Variants in PCDHA7 observed in about 807,000 individuals in gnomAD.
PCDHA7 encodes the protein protocadherin alpha 7, also known as protocadherin alpha-7.
A neutral mutation model predicts 57.2 loss-of-function variants in PCDHA7; 37 were observed. The observed-to-expected ratio is 0.65, with a 90% CI of 0.50 to 0.85. PCDHA7 has a LOEUF of 0.85. Ranked by LOEUF, PCDHA7 falls within the 40% of genes least tolerant of loss-of-function variation. PCDHA7 has a pLI of 0.00. For synonymous variants in PCDHA7, 553 were observed against 558.8 expected, an observed-to-expected ratio of 0.99 and a Z score of 0.15; for missense variants, 1,188 against 1,241.8, an observed-to-expected ratio of 0.96 and a Z score of 0.65.
chr5:140,858,436 G>T (rs781811192), intron 1 of PCDHA7: 1 of 1,542,522 alleles, frequency 6.5e-7, no homozygotes, highest in Admixed American at 2.0e-5. Flanking sequence ...ACTCTAGGAA[G>T]GTGGGTTATT....
At chr5:140,968,401 C>T (rs1554230667) in intron 1 of PCDHA7, 1 of 1,613,984 alleles carries the variant, frequency 6.2e-7, no homozygotes, top group South Asian at 1.1e-5. Context: ...TTCGGGAGTT[C>T]TTTGTGACTG....
chr5:140,840,079 T>C lies in PCDHA7; in HGVS notation c.2355+3341T>C, dbSNP rs2150303127. Among the ~76,000 whole-genome samples the C allele has an allele frequency of 4.9e-4, 75 of 152,120 alleles. 1 individual carries two copies. The highest frequency in any genetic ancestry group is 8.7e-4 in the Non-Finnish European group (59 of 67,972). On this transcript the variant is annotated intron_variant, in intron 1 of 3. Coordinates refer to ENST00000525929, the MANE Select transcript of PCDHA7 (RefSeq NM_018910.3). The stretch of plus-strand genomic sequence containing the variant: ...TCTTGACAATTAGTCAATAGAAAGA[T>C]AAACTTGTTGAAGATTTTAGTGAAA...
intron 1 of PCDHA7, chr5:140,856,305 A>G (rs782323132): frequency 1.9e-6 from 3 of 1,598,594 alleles, no homozygotes; most frequent in Non-Finnish European, 2.6e-6. Flanking sequence ...TTGTTTGTGA[A>G]TTCTCGGATT....
chr5:140,876,467 G>T, intron 1 of PCDHA7: 1 of 1,614,020 alleles, frequency 6.2e-7, no homozygotes, highest in Non-Finnish European at 8.5e-7. Flanking sequence ...TCCATGGCAG[G>T]TCACAGCATG....
intron 1 of PCDHA7, among the ~76,000 whole-genome samples, chr5:140,838,073 ATATAGTGTGTGTGTGT>A (rs2150282806): frequency 2.4e-4 from 30 of 126,834 alleles, no homozygotes; most frequent in Admixed American, 8.6e-4. Flanking sequence ...AGTTATATAT[ATATAGTGTGTGTGTGT>A]GTGTGTGTGT....
intron 1 of PCDHA7, chr5:140,870,169 C>T: frequency 6.2e-7 from 1 of 1,614,140 alleles, no homozygotes; most frequent in Non-Finnish European, 8.5e-7. Flanking sequence ...TTCCTTGTCC[C>T]TCCCAGTACG....
At chr5:140,876,918 G>A (rs2056694252) in intron 1 of PCDHA7, 4 of 1,613,936 alleles carry the variant, frequency 2.5e-6, no homozygotes, top group East Asian at 2.2e-5. Context: ...CATGGGACGC[G>A]GACGCGCAGA....
intron 1 of PCDHA7, among the ~76,000 whole-genome samples, chr5:140,900,519 T>G (rs1264399196): frequency 6.6e-6 from 1 of 152,224 alleles, no homozygotes; most frequent in East Asian, 1.9e-4. Flanking sequence ...TCAGGTGATC[T>G]GCCCACCTCG....
intron 1 of PCDHA7, among the ~76,000 whole-genome samples, chr5:140,907,524 C>T (rs562373233): frequency 2.6e-5 from 4 of 152,314 alleles, no homozygotes; most frequent in Non-Finnish European, 4.4e-5. Flanking sequence ...GAGGACAAAT[C>T]GCTGCCCTTT....
At chr5:140,842,290 G>A (rs2150333533) in intron 1 of PCDHA7, 1 of 1,610,202 alleles carries the variant, frequency 6.2e-7, no homozygotes, top group South Asian at 1.1e-5. Flanking sequence ...TTGACGCCAC[G>A]GACAAAGGCC....
At chr5:140,851,161 T>C in intron 1 of PCDHA7, 1 of 1,297,820 alleles carries the variant, frequency 7.7e-7, no homozygotes, top group East Asian at 2.8e-5. Flanking sequence ...TCTGATGCTA[T>C]GCTGCCATAA....
At chr5:140,991,984 C>T (rs1393451773) in intron 3 of PCDHA7, among the ~76,000 whole-genome samples, 1 of 151,632 alleles carries the variant, frequency 6.6e-6, no homozygotes, top group Non-Finnish European at 1.5e-5. Context: ...TTCTGCCTAC[C>T]ACCCGGTCTT....
intron 1 of PCDHA7, among the ~76,000 whole-genome samples, chr5:140,907,040 G>A (rs781947448): frequency 1.4e-4 from 21 of 152,290 alleles, no homozygotes; most frequent in Non-Finnish European, 2.4e-4. Context: ...ATGTCACAGG[G>A]ACAGTAAGCA....
At position 140,834,737 on chromosome 5, in the gene PCDHA7, T is replaced by G. The variant is rs2150225179; in HGVS notation, c.354T>G (p.His118Gln). ...VIVERPLQVFHVDVEVKDIND... is the reference protein window; with the variant it reads ...VIVERPLQVFQVDVEVKDIND... ...TGGAAAGGCCGCTGCAGGTTTTCCATGTGGACGTGGAGGTGAAGGACATTA... is the reference window on the plus strand; with the variant it reads ...TGGAAAGGCCGCTGCAGGTTTTCCAGGTGGACGTGGAGGTGAAGGACATTA... The change falls in exon 1 of 4, where the codon CAT becomes CAG. Residue 118 changes from histidine to glutamine, a missense_variant. His to Gln is a conservative substitution (Grantham distance 24, BLOSUM62 0). Coordinates refer to ENST00000525929, the MANE Select transcript of PCDHA7 (RefSeq NM_018910.3). The G allele has an allele frequency of 1.1e-5, 18 of 1,614,112 alleles. No homozygotes were observed. The East Asian group carries it at 4.0e-4, about 36-fold the overall frequency.
intron 1 of PCDHA7, chr5:140,968,519 A>G (rs1030847582): frequency 1.2e-6 from 2 of 1,614,008 alleles, no homozygotes; most frequent in South Asian, 1.1e-5. Flanking sequence ...CCCTACCTCA[A>G]CCAACTCGTC....
At chr5:140,859,390 C>G (rs911308831) in intron 1 of PCDHA7, 1 of 268,000 alleles carries the variant, frequency 3.7e-6, no homozygotes, top group Non-Finnish European at 6.7e-6. Flanking sequence ...CTCTAGTCAT[C>G]TTAAACAGGG....
chr5:140,848,428 C>A lies in PCDHA7; in HGVS notation c.2355+11690C>A, dbSNP rs2150410339. 6.6e-5 allele frequency: 95 copies of A among 1,449,944 alleles called. 7 individuals are homozygous for A. The highest frequency in any genetic ancestry group is 8.7e-5 in the Non-Finnish European group (92 of 1,058,798). The allele number at this position is 1,449,944 out of a possible 1,614,324, so 89.8% of individuals were successfully genotyped here. A position where few individuals can be genotyped will look rare whatever the true frequency, so the allele number is the denominator to read the frequency against. On this transcript the variant is annotated intron_variant, in intron 1 of 3. Transcript: ENST00000525929. ...GGCGAACACAGCAGAATGGGACTGA[C>A]GAAATCAGATGATTTCTTCTAATTT...
intron 3 of PCDHA7, among the ~76,000 whole-genome samples, chr5:140,998,172 T>C (rs1438782798): frequency 6.6e-6 from 1 of 152,184 alleles, no homozygotes; most frequent in Admixed American, 6.5e-5. Flanking sequence ...CCAAGTATTA[T>C]TCTAAGCACT....
At chr5:140,990,029 A>G (rs1343846819) in intron 3 of PCDHA7, among the ~76,000 whole-genome samples, 1 of 152,146 alleles carries the variant, frequency 6.6e-6, no homozygotes, top group African/African-American at 2.4e-5. Context: ...AAAGGATGGG[A>G]GAAGTCAGTC....
Sources: gnomAD v4.1 joint callset for allele counts (sites outside exome capture counted in the v4.1 genomes callset) on GRCh38, gnomAD v4.1.1 for gene constraint, MANE v1.5 for transcripts, NCBI Gene and HGNC (gene_info 2026-07-23, HGNC 2026-07-21) for gene names.